The following LUZP2 variants were observed in gnomAD, a reference collection of about 807,000 sequenced individuals.
LUZP2 encodes the protein leucine zipper protein 2.
LUZP2 carries 52 observed loss-of-function variants against 51.6 expected under a neutral mutation model. The observed-to-expected ratio is 1.01, with a 90% confidence interval of 0.81 to 1.27. LUZP2 has a LOEUF of 1.27. Ranked by LOEUF, LUZP2 falls within the 50% of genes most tolerant of loss-of-function variation. The pLI is 0.00. For missense variants in LUZP2, 436 were observed against 395.4 expected, an observed-to-expected ratio of 1.10 and a Z score of -0.87; for synonymous variants, 154 against 137.3, an observed-to-expected ratio of 1.12 and a Z score of -0.85.
intron 1 of LUZP2, among the ~76,000 whole-genome samples, chr11:24,509,245 A>G (rs986006250): frequency 3.3e-5 from 5 of 152,114 alleles, no homozygotes; most frequent in African/African-American, 4.8e-5. Flanking sequence ...GCCTTACCAT[A>G]TGATAATAAC....
intron 7 of LUZP2, among the ~76,000 whole-genome samples, chr11:24,952,116 TTAAA>T (rs1855095543): frequency 6.6e-6 from 1 of 151,762 alleles, no homozygotes; most frequent in Non-Finnish European, 1.5e-5. Flanking sequence ...TGAACAAATA[TTAAA>T]TAATGTGGAA....
chr11:24,892,574 C>T (rs980277264), intron 5 of LUZP2: 30 of 435,128 alleles, frequency 6.9e-5, no homozygotes, highest in African/African-American at 5.9e-4. Flanking sequence ...AAGCCCTATG[C>T]TATTTCTAGT....
rs116117558 is a variant in LUZP2 at position 24,991,127 on chromosome 11, C to A, written c.765+7834C>A. On this transcript the variant is annotated intron_variant, in intron 9 of 11. Coordinates refer to ENST00000336930, the MANE Select transcript of LUZP2 (RefSeq NM_001009909.4). Reference sequence around the variant, plus strand: ...CTTTTATCCTTTACCTGCTTCCTACCTTTCCACCTGAGTCCCCAAAGTCCT... The same window carrying A: ...CTTTTATCCTTTACCTGCTTCCTACATTTCCACCTGAGTCCCCAAAGTCCT... Among the ~76,000 whole-genome samples, 693 of 151,878 alleles carry A rather than the reference C, an allele frequency of 4.6e-3. 11 individuals carry two copies. Among genetic ancestry groups the A allele is most frequent in the African/African-American group, 0.016 (652 of 41,462 alleles).
chr11:24,676,956 C>T (rs1856576867), intron 1 of LUZP2, among the ~76,000 whole-genome samples: 1 of 152,150 alleles, frequency 6.6e-6, no homozygotes, highest in African/African-American at 2.4e-5. Flanking sequence ...CGTGAGCCAC[C>T]ATGTCCGGCC....
chr11:24,826,923 G>GA (rs1850559426), intron 5 of LUZP2, among the ~76,000 whole-genome samples: 1 of 60,498 alleles, frequency 1.7e-5, no homozygotes, highest in Non-Finnish European at 4.6e-5. Flanking sequence ...TTTAAATGAG[G>GA]AGTTAATATG....
chr11:24,693,901 T>G (rs1278361664), intron 1 of LUZP2, among the ~76,000 whole-genome samples: 2 of 151,964 alleles, frequency 1.3e-5, no homozygotes, highest in Non-Finnish European at 2.9e-5. Flanking sequence ...AAAAAGGCAG[T>G]GTAGAGCAAA....
chr11:24,640,732 A>G (rs1209052371), intron 1 of LUZP2, among the ~76,000 whole-genome samples: 3 of 151,858 alleles, frequency 2.0e-5, no homozygotes, highest in Non-Finnish European at 4.4e-5. Context: ...TGTTATGTAG[A>G]TAAGCATTAG....
chr11:24,621,473 T>C (rs1254901837), intron 1 of LUZP2, among the ~76,000 whole-genome samples: 1 of 152,170 alleles, frequency 6.6e-6, no homozygotes, highest in Admixed American at 6.5e-5. Flanking sequence ...CTGACTTGGT[T>C]CTTTCCATTG....
intron 1 of LUZP2, among the ~76,000 whole-genome samples, chr11:24,528,445 G>T (rs992814060): frequency 2.0e-5 from 3 of 151,250 alleles, no homozygotes; most frequent in African/African-American, 7.3e-5. Flanking sequence ...TGTTGTAAAT[G>T]CTGATGGCAC....
chr11:24,739,727 A>C (rs1039498556), intron 4 of LUZP2, among the ~76,000 whole-genome samples: 16 of 152,120 alleles, frequency 1.1e-4, no homozygotes, highest in African/African-American at 3.9e-4. Flanking sequence ...TCTGAAACTC[A>C]GTCCAGTCTG....
In LUZP2 at chr11:24,755,164, C is replaced by A. The variant is rs574912946; in HGVS notation, c.334-8082C>A. On this transcript the variant is annotated intron_variant, in intron 4 of 11. Transcript: ENST00000336930. ...CTGTCTAAAAAACAGAAAAAAAAAA[C>A]ACACACACACATTAGTCGCAAATTA... is the stretch of plus-strand genomic sequence containing the variant. 1.1e-4 allele frequency among the ~76,000 whole-genome samples: 16 copies of A among 151,464 alleles called. No individual in the cohort carries two copies. The South Asian group carries it at 2.9e-3, about 28-fold the overall frequency.
intron 9 of LUZP2, among the ~76,000 whole-genome samples, chr11:24,994,389 G>C (rs1345043316): frequency 2.6e-5 from 4 of 152,080 alleles, no homozygotes; most frequent in Non-Finnish European, 5.9e-5. Flanking sequence ...TTGTTGAAAA[G>C]ACTTGTTTTA....
intron 5 of LUZP2, among the ~76,000 whole-genome samples, chr11:24,822,311 G>A (rs963567225): frequency 3.9e-5 from 6 of 151,964 alleles, no homozygotes; most frequent in Non-Finnish European, 8.8e-5. Flanking sequence ...AGAAGTTTTT[G>A]TTGCTACTTT....
At chr11:24,788,905 C>T (rs1849327530) in intron 5 of LUZP2, among the ~76,000 whole-genome samples, 1 of 152,136 alleles carries the variant, frequency 6.6e-6, no homozygotes, top group Non-Finnish European at 1.5e-5. Flanking sequence ...AATCTCTTTA[C>T]TTACAAGCCA....
At chr11:24,509,211 A>G (rs1374286914) in intron 1 of LUZP2, among the ~76,000 whole-genome samples, 3 of 152,242 alleles carry the variant, frequency 2.0e-5, no homozygotes, top group African/African-American at 4.8e-5. Context: ...CAAACTCAAC[A>G]TTCACATTTG....
intron 1 of LUZP2, among the ~76,000 whole-genome samples, chr11:24,590,940 T>G (rs979397696): frequency 6.6e-6 from 1 of 152,112 alleles, no homozygotes; most frequent in Non-Finnish European, 1.5e-5. Flanking sequence ...CTATTTGCGC[T>G]AGCAAATAGA....
rs573426202 is a variant in LUZP2 at position 24,918,722 on chromosome 11, C to T, written c.522+4184C>T. Among the ~76,000 whole-genome samples the T allele has an allele frequency of 1.8e-3, 265 of 150,746 alleles. 3 individuals are homozygous for T. The highest frequency in any genetic ancestry group is 6.1e-3 in the African/African-American group (253 of 41,178). On this transcript the variant is annotated intron_variant, in intron 7 of 11. Coordinates refer to ENST00000336930, the MANE Select transcript of LUZP2 (RefSeq NM_001009909.4). ...AAATATAAAGCCAAACTTAAAATCCCGTCACCAGAGCAAATGCAAACAATA... is the reference window on the plus strand; with the variant it reads ...AAATATAAAGCCAAACTTAAAATCCTGTCACCAGAGCAAATGCAAACAATA...
At chr11:24,519,106 T>C (rs1370856757) in intron 1 of LUZP2, among the ~76,000 whole-genome samples, 2 of 152,184 alleles carry the variant, frequency 1.3e-5, no homozygotes, top group African/African-American at 4.8e-5. Context: ...ACTTAGACAC[T>C]GTTATCCACT....
chr11:24,994,062 T>A (rs1232774536), intron 9 of LUZP2, among the ~76,000 whole-genome samples: 2 of 152,122 alleles, frequency 1.3e-5, no homozygotes, highest in Admixed American at 6.5e-5. Flanking sequence ...GGTTTCACCA[T>A]GTTAATCAGT....
Sources: gnomAD v4.1 joint callset for allele counts (sites outside exome capture counted in the v4.1 genomes callset) on GRCh38, gnomAD v4.1.1 for gene constraint, MANE v1.5 for transcripts, NCBI Gene and HGNC (gene_info 2026-07-23, HGNC 2026-07-21) for gene names.